Variants in MAPK10 observed in about 807,000 individuals in gnomAD.
MAPK10 encodes mitogen-activated protein kinase 10.
MAPK10 carries 25 observed loss-of-function variants against 59.3 expected under a neutral mutation model. That is an observed-to-expected ratio of 0.42 (90% CI 0.31 to 0.59). MAPK10 has a LOEUF of 0.59. MAPK10 is among the 20% of genes least tolerant of loss of function. The pLI is 0.15. For missense variants in MAPK10, 351 were observed against 568.9 expected (o/e 0.62, Z 3.90); for synonymous variants, 190 against 200.5 (o/e 0.95, Z 0.44).
At chr4:86,059,846 C>G (rs900573944) in intron 11 of MAPK10, among the ~76,000 whole-genome samples, 3 of 152,152 alleles carry the variant, frequency 2.0e-5, no homozygotes, top group Non-Finnish European at 4.4e-5. Flanking sequence ...CCAGCATTCT[C>G]TTCTGGAACT....
At chr4:86,099,384 C>T (rs1201040039) in intron 8 of MAPK10, 1 of 152,132 alleles carries the variant, frequency 6.6e-6, no homozygotes, top group African/African-American at 2.4e-5. Context: ...CATGCTTTGC[C>T]TTCTCTTACC....
At chr4:86,200,632 AG>A (rs1405046485) in intron 2 of MAPK10, among the ~76,000 whole-genome samples, 2 of 151,880 alleles carry the variant, frequency 1.3e-5, no homozygotes, top group African/African-American at 4.8e-5. Flanking sequence ...TTTTTGTATA[AG>A]TATGTTTTCA....
chr4:86,059,780 C>T (rs2045366450), intron 11 of MAPK10, among the ~76,000 whole-genome samples: 1 of 151,952 alleles, frequency 6.6e-6, no homozygotes. Context: ...CAAAACATGC[C>T]CGCTCTCTCT....
At chr4:86,212,077 G>T (rs1392167989) in intron 2 of MAPK10, among the ~76,000 whole-genome samples, 1 of 152,058 alleles carries the variant, frequency 6.6e-6, no homozygotes, top group African/African-American at 2.4e-5. Flanking sequence ...ATACCAAAAT[G>T]TCAGAGGTTC....
chr4:86,101,295 C>T (rs2055330326), intron 7 of MAPK10, 78 bp from the exon 8 acceptor site: 1 of 1,149,492 alleles, frequency 8.7e-7, no homozygotes, highest in South Asian at 1.4e-5. Flanking sequence ...ATCAACATAG[C>T]CATTTTGCAG....
At chr4:86,064,999 C>G (rs1485970286) in intron 10 of MAPK10, 1 of 151,936 alleles carries the variant, frequency 6.6e-6, no homozygotes, top group Non-Finnish European at 1.5e-5. Flanking sequence ...GGAACTCCTG[C>G]GCTCAAAGGA....
intron 11 of MAPK10, among the ~76,000 whole-genome samples, chr4:86,045,240 T>C (rs1457449418): frequency 6.6e-6 from 1 of 152,108 alleles, no homozygotes; most frequent in East Asian, 1.9e-4. Flanking sequence ...AATTTCTCTT[T>C]CCTGCTCCTT....
chr4:86,244,383 T>A (rs1308911670), intron 2 of MAPK10, among the ~76,000 whole-genome samples: 1 of 152,204 alleles, frequency 6.6e-6, no homozygotes, highest in Non-Finnish European at 1.5e-5. Flanking sequence ...TATGCAACAG[T>A]AAAGATATGA....
intron 3 of MAPK10, among the ~76,000 whole-genome samples, chr4:86,184,054 G>A (rs1030351644): frequency 4.3e-4 from 66 of 152,114 alleles, no homozygotes; most frequent in Non-Finnish European, 9.1e-4. Context: ...TTTGTCAGAT[G>A]AGTAGATTGC....
chr4:86,059,660 G>A (rs1212119936), intron 11 of MAPK10, among the ~76,000 whole-genome samples: 3 of 152,044 alleles, frequency 2.0e-5, no homozygotes, highest in African/African-American at 7.3e-5. Flanking sequence ...TAACAAGCAA[G>A]CTCAGCACTG....
intron 3 of MAPK10, among the ~76,000 whole-genome samples, chr4:86,188,119 G>A (rs1391023242): frequency 6.6e-6 from 1 of 152,112 alleles, no homozygotes; most frequent in African/African-American, 2.4e-5. Flanking sequence ...TGGTGTGTAT[G>A]TGGCATATTT....
At chr4:86,578,302 A>G (rs992073163) in intron 1 of MAPK10, among the ~76,000 whole-genome samples, 1 of 152,140 alleles carries the variant, frequency 6.6e-6, no homozygotes, top group Admixed American at 6.5e-5. Flanking sequence ...CAAAATATCA[A>G]TTGTGCTTTG....
Position 86,182,751 on chromosome 4 carries a change from A to C in MAPK10, c.66+11585T>G, listed in dbSNP as rs191251166. Among the ~76,000 whole-genome samples the C allele has an allele frequency of 1.3e-4, 20 of 152,288 alleles. No individual in the cohort carries two copies. The East Asian group carries it at 3.9e-3, about 29-fold the overall frequency. On this transcript the variant is annotated intron_variant, in intron 3 of 13. Coordinates refer to ENST00000641462, the MANE Select transcript of MAPK10 (RefSeq NM_138982.4). ...AAGTGTTTTTATCAGAGAAAATTCT[A>C]CATAGGAAGTAAATAAAATGTCCAG...
intron 2 of MAPK10, among the ~76,000 whole-genome samples, chr4:86,257,810 C>T (rs1187583756): frequency 1.3e-5 from 2 of 152,154 alleles, no homozygotes; most frequent in Non-Finnish European, 2.9e-5. Flanking sequence ...CCTTTAATCT[C>T]TCCATTTGTT....
chr4:86,098,626 A>G (rs1218945031), intron 8 of MAPK10, 31 bp from the exon 9 acceptor site: 2 of 1,494,832 alleles, frequency 1.3e-6, no homozygotes, highest in South Asian at 2.3e-5. Context: ...TAGTGAAGAA[A>G]AGGGAGGAAA....
chr4:86,499,843 T>C (rs1227623680), intron 1 of MAPK10, among the ~76,000 whole-genome samples: 1 of 152,190 alleles, frequency 6.6e-6, no homozygotes, highest in Non-Finnish European at 1.5e-5. Flanking sequence ...TATGTCTTTT[T>C]GTCCTTTCTG....
chr4:86,307,326 T>C (rs931219589), intron 2 of MAPK10, among the ~76,000 whole-genome samples: 9 of 152,148 alleles, frequency 5.9e-5, no homozygotes, highest in African/African-American at 2.2e-4. Context: ...GAGAGGTACT[T>C]AGAGTGATGA....
chr4:86,266,731 A>G (rs1419064029), intron 2 of MAPK10, among the ~76,000 whole-genome samples: 1 of 152,170 alleles, frequency 6.6e-6, no homozygotes, highest in Non-Finnish European at 1.5e-5. Flanking sequence ...TTATGTTTGC[A>G]ACTCTGAAAT....
chr4:86,537,598 G>T (rs749424887), intron 1 of MAPK10, among the ~76,000 whole-genome samples: 5 of 152,108 alleles, frequency 3.3e-5, no homozygotes, highest in African/African-American at 4.8e-5. Flanking sequence ...CCAGTTTATA[G>T]GTATTCAAGT....
Sources: gnomAD v4.1 joint callset for allele counts (sites outside exome capture counted in the v4.1 genomes callset) on GRCh38, gnomAD v4.1.1 for gene constraint, MANE v1.5 for transcripts, NCBI Gene and HGNC (gene_info 2026-07-23, HGNC 2026-07-21) for gene names.